Variants in FMO4 observed in about 807,000 individuals in gnomAD.
FMO4 encodes dimethylaniline monooxygenase [N-oxide-forming] 4.
Under a neutral mutation model 43.3 loss-of-function variants are expected in FMO4, and 38 were observed. The ratio of observed to expected loss-of-function variants is 0.88; its 90% CI spans 0.68 to 1.15. The LOEUF is 1.15. Among genes scored for constraint, FMO4 ranks in the 50% most tolerant of loss-of-function variants. The pLI is 0.00. For synonymous variants in FMO4, 224 were observed against 232.2 expected (o/e 0.96, Z 0.32); for missense variants, 631 against 663.3 (o/e 0.95, Z 0.54).
chr1:171,318,567 T>C (rs1662285054), intron 2 of FMO4, among the ~76,000 whole-genome samples: 1 of 152,162 alleles, frequency 6.6e-6, no homozygotes, highest in Non-Finnish European at 1.5e-5. Flanking sequence ...TCATTTTACT[T>C]CCTGGTTGAA....
intron 9 of FMO4, among the ~76,000 whole-genome samples, chr1:171,338,238 A>G (rs1199370187): frequency 6.6e-6 from 1 of 151,998 alleles, no homozygotes; most frequent in African/African-American, 2.4e-5. Flanking sequence ...CACTGCCCCT[A>G]CTGCTACCAT....
intron 2 of FMO4, 51 bp from the exon 3 acceptor site, chr1:171,319,767 C>G (rs1373258360): frequency 6.4e-7 from 1 of 1,563,302 alleles, no homozygotes; most frequent in Non-Finnish European, 8.8e-7. Flanking sequence ...GACAAGGGCT[C>G]CCTTCCAAAC....
chr1:171,326,077 G>T (rs529929531), intron 5 of FMO4, among the ~76,000 whole-genome samples: 3 of 151,270 alleles, frequency 2.0e-5, no homozygotes, highest in African/African-American at 7.3e-5. Context: ...CAAACTCCTG[G>T]GCTCAAGGGA....
Position 171,341,536 on chromosome 1 carries a change from T to C in FMO4, c.1374T>C (p.Ala458=). 1 of 1,614,024 alleles carries C rather than the reference T, an allele frequency of 6.2e-7. No homozygotes were observed. ...TGTTCCTCAAGGATCCCAGACTAGCTTGGGAAGTTTTCTTTGGACCATGTA... is the reference window on the plus strand; with the variant it reads ...TGTTCCTCAAGGATCCCAGACTAGCCTGGGAAGTTTTCTTTGGACCATGTA... ...PLLFLKDPRL[A]WEVFFGPCTP... is the part of the protein sequence containing the mutation. Residue 458 remains alanine (A), a synonymous_variant, in exon 10 of 10, where the codon GCT becomes GCC. Coordinates refer to ENST00000367749, the MANE Select transcript of FMO4 (RefSeq NM_002022.3).
chr1:171,322,852 A>AAATCAATC (rs45585635), intron 3 of FMO4, 152 bp from the exon 4 acceptor site: 9,544 of 618,246 alleles, frequency 0.015, 620 homozygotes, highest in African/African-American at 0.15. Context: ...GACTCCATCT[A>AAATCAATC]AATCAATCAA....
chr1:171,334,870 A>G (rs1187782814), intron 8 of FMO4, 107 bp downstream of exon 8: 5 of 612,784 alleles, frequency 8.2e-6, no homozygotes, highest in Admixed American at 3.4e-5. Flanking sequence ...TATTTTTAAC[A>G]TTAGTGTACA....
At chr1:171,341,175 T>C (rs575699618) in intron 9 of FMO4, among the ~76,000 whole-genome samples, 2 of 152,192 alleles carry the variant, frequency 1.3e-5, no homozygotes, top group African/African-American at 4.8e-5. Flanking sequence ...CTTCCATCTC[T>C]AGTAAAATTA....
intron 5 of FMO4, among the ~76,000 whole-genome samples, chr1:171,325,754 CTCTTCAAGTT>C (rs1392380869): frequency 7.6e-6 from 1 of 131,818 alleles, no homozygotes; most frequent in East Asian, 2.6e-4. Flanking sequence ...GGAATTTATT[CTCTTCAAGTT>C]TGGGATTGTT....
rs994942661 is a variant in FMO4, at chr1:171,342,026, C to T, written c.*187C>T. 1.0e-5 allele frequency: 6 copies of T among 574,304 alleles called. No individual in the cohort carries two copies. Among genetic ancestry groups the T allele is most frequent in the Non-Finnish European group, 1.8e-5 (6 of 325,426 alleles). The allele number at this position is 574,304 out of a possible 1,614,324, so 35.6% of individuals were successfully genotyped here. A position where few individuals can be genotyped will look rare whatever the true frequency, so the allele number is the denominator to read the frequency against. On this transcript the variant is annotated 3_prime_UTR_variant, in exon 10 of 10. Transcript: ENST00000367749. ...CTCTTTCTTGCCACCCTTTCCAATG[C>T]ATCTTCTACCCTGCTACCTCAGTGA...
chr1:171,314,896 G>A (rs1378251360), intron 1 of FMO4, among the ~76,000 whole-genome samples: 1 of 152,140 alleles, frequency 6.6e-6, no homozygotes, highest in Non-Finnish European at 1.5e-5. Flanking sequence ...TCTCATAAAG[G>A]ATTCCTACAT....
At chr1:171,326,438 G>A (rs1662673975) in intron 5 of FMO4, among the ~76,000 whole-genome samples, 1 of 152,198 alleles carries the variant, frequency 6.6e-6, no homozygotes, top group Non-Finnish European at 1.5e-5. Flanking sequence ...ATTTACTTGA[G>A]TCAAAATACA....
intron 7 of FMO4, 190 bp downstream of exon 7, chr1:171,333,098 C>T: frequency 2.2e-6 from 1 of 451,362 alleles, no homozygotes; most frequent in Non-Finnish European, 3.9e-6. Context: ...TTTCTGGTGG[C>T]AAAAGTAGTG....
In FMO4 at chr1:171,341,788, T is replaced by G. The variant is rs148854023; in HGVS notation, c.1626T>G (p.Asp542Glu). Reference sequence around the variant, plus strand: ...CACTTTTCTTGAAATTGGTGAGAGATAAACTACAGGACAGAATGTCCCCTT... The same window carrying G: ...CACTTTTCTTGAAATTGGTGAGAGAGAAACTACAGGACAGAATGTCCCCTT... ...KSSLFLKLVR[D>E]KLQDRMSPYL... Residue 542 changes from aspartate to glutamate, a missense_variant, in exon 10 of 10, where the codon GAT (aspartate) becomes GAG (glutamate). Transcript: ENST00000367749. 1.2e-6 allele frequency: 2 copies of G among 1,613,888 alleles called. No homozygotes were observed. Among genetic ancestry groups the G allele is most frequent in the East Asian group, 2.2e-5 (1 of 44,854 alleles).
intron 9 of FMO4, 139 bp from the exon 10 acceptor site, chr1:171,341,274 A>T (rs558506876): frequency 3.6e-5 from 23 of 633,684 alleles, no homozygotes; most frequent in South Asian, 2.8e-4. Flanking sequence ...TCTTCCTAAC[A>T]TACAAAAACA....
chr1:171,318,032 C>T (rs1662264087), intron 2 of FMO4, among the ~76,000 whole-genome samples: 1 of 152,016 alleles, frequency 6.6e-6, no homozygotes, highest in African/African-American at 2.4e-5. Context: ...TACTTGGGAC[C>T]AGGCCGGGCA....
intron 9 of FMO4, among the ~76,000 whole-genome samples, chr1:171,338,167 C>A (rs1358109433): frequency 1.3e-5 from 2 of 152,014 alleles, no homozygotes; most frequent in African/African-American, 2.4e-5. Flanking sequence ...TTCTCACATC[C>A]CATATCGGCA....
chr1:171,338,372 T>C (rs1264685232), intron 9 of FMO4, among the ~76,000 whole-genome samples: 1 of 152,042 alleles, frequency 6.6e-6, no homozygotes, highest in East Asian at 1.9e-4. Flanking sequence ...CCACATCACA[T>C]TGCCCTTCTA....
intron 6 of FMO4, among the ~76,000 whole-genome samples, chr1:171,332,227 G>A (rs1662930075): frequency 6.6e-6 from 1 of 152,184 alleles, no homozygotes; most frequent in South Asian, 2.1e-4. Flanking sequence ...GTTTTGAGAT[G>A]AAAGCAACTC....
At chr1:171,314,944 T>C (rs1319286350) in intron 1 of FMO4, among the ~76,000 whole-genome samples, 1 of 152,162 alleles carries the variant, frequency 6.6e-6, no homozygotes, top group African/African-American at 2.4e-5. Flanking sequence ...GTTTTCCCGT[T>C]GTACAAAGGT....
Sources: allele counts gnomAD v4.1 joint callset (sites outside exome capture counted in the v4.1 genomes callset), GRCh38; gene constraint gnomAD v4.1.1; transcripts MANE v1.5; gene names NCBI Gene and HGNC (gene_info 2026-07-23, HGNC 2026-07-21).